SFXN5: variants seen among roughly 807,000 people sequenced by gnomAD.
SFXN5 encodes sideroflexin 5, also known as sideroflexin-5.
In SFXN5, 43 loss-of-function variants were observed where a neutral mutation model predicts 50.2. The ratio of observed to expected loss-of-function variants is 0.86; its 90% CI spans 0.67 to 1.11. SFXN5 has a LOEUF of 1.11. Ranked by LOEUF, SFXN5 falls within the 50% of genes least tolerant of loss-of-function variation. The probability of loss-of-function intolerance (pLI) is 0.00; values close to 1 mark genes in which losing one functional copy is unlikely to be tolerated. For synonymous variants in SFXN5, 203 were observed against 185.8 expected, an observed-to-expected ratio of 1.09 and a Z score of -0.75; for missense variants, 463 against 454.1, an observed-to-expected ratio of 1.02 and a Z score of -0.18.
chr2:72,953,789 C>T lies in SFXN5; in HGVS notation c.945+7342G>A, dbSNP rs1350335687. 6.6e-6 allele frequency among the ~76,000 whole-genome samples: 1 copy of T among 152,190 alleles called. No individual in the cohort carries two copies. Among genetic ancestry groups the T allele is most frequent in the Non-Finnish European group, 1.5e-5 (1 of 68,020 alleles). On this transcript the variant is annotated intron_variant, in intron 13 of 13. Coordinates refer to ENST00000272433, the MANE Select transcript of SFXN5 (RefSeq NM_144579.3). The surrounding 1 kb of genome is among the most constrained non-coding windows in gnomAD (Gnocchi z 4.1). Reference sequence around the variant, plus strand: ...AGCTTATTCCCAGCTCTTCTCCATTCTTGGTTGGGGGTCCCAATACTTTCT... The same window carrying T: ...AGCTTATTCCCAGCTCTTCTCCATTTTTGGTTGGGGGTCCCAATACTTTCT...
chr2:73,027,661 CTTT>C (rs908750970), intron 3 of SFXN5, among the ~76,000 whole-genome samples: 1 of 149,688 alleles, frequency 6.7e-6, no homozygotes, highest in Non-Finnish European at 1.5e-5. Flanking sequence ...CATTTTTTAT[CTTT>C]TTTTTTTCTT....
intron 7 of SFXN5, 82 bp downstream of exon 7, chr2:73,001,443 G>A: frequency 1.4e-6 from 2 of 1,455,212 alleles, no homozygotes; most frequent in African/African-American, 1.4e-5. Context: ...GGACGGGGCA[G>A]GAGACACCAC....
At chr2:73,002,243 G>C (rs571565987) in intron 6 of SFXN5, among the ~76,000 whole-genome samples, 16 of 152,334 alleles carry the variant, frequency 1.1e-4, no homozygotes, top group African/African-American at 3.8e-4. Context: ...AATGAATGAA[G>C]AAATGAACAA....
intron 2 of SFXN5, among the ~76,000 whole-genome samples, chr2:73,052,751 G>T (rs1681543172): frequency 6.6e-6 from 1 of 152,172 alleles, no homozygotes; most frequent in African/African-American, 2.4e-5. Context: ...TAGAGATCTA[G>T]ATCTAATTCC....
chr2:73,051,545 C>T (rs1211176484), intron 2 of SFXN5, among the ~76,000 whole-genome samples: 2 of 152,054 alleles, frequency 1.3e-5, no homozygotes, highest in African/African-American at 2.4e-5. Context: ...CGTGAGCCAC[C>T]GCCCCCAGCC....
chr2:72,974,184 G>C (rs955669030), intron 10 of SFXN5, among the ~76,000 whole-genome samples: 1 of 152,190 alleles, frequency 6.6e-6, no homozygotes, highest in Admixed American at 6.5e-5. Context: ...TGCCAAGTCA[G>C]GGGAAAGTGG....
chr2:73,047,285 T>TATATATATATATATATATACACACATAG (rs1268079277), intron 2 of SFXN5, among the ~76,000 whole-genome samples: 1 of 92,524 alleles, frequency 1.1e-5, no homozygotes, highest in Non-Finnish European at 2.0e-5. Flanking sequence ...TACACACATA[T>TATATATATATATATATATACACACATAG]ATATATATAT....
intron 6 of SFXN5, chr2:73,020,034 T>G (rs1462167654): frequency 5.4e-6 from 3 of 559,538 alleles, no homozygotes; most frequent in Non-Finnish European, 9.4e-6. Flanking sequence ...TGGATTTAAG[T>G]CATCAGGCTT....
chr2:72,997,968 C>T (rs1013563452), intron 9 of SFXN5: 2 of 152,068 alleles, frequency 1.3e-5, no homozygotes, highest in Non-Finnish European at 2.9e-5. Flanking sequence ...GCAATCATAG[C>T]ACACTACAGA....
rs560061136 is a variant in SFXN5, at chr2:73,032,104, G to A, written c.249+8750C>T. 1.4e-4 allele frequency among the ~76,000 whole-genome samples: 21 copies of A among 152,240 alleles called. 1 individual carries two copies. Among genetic ancestry groups the A allele is most frequent in the African/African-American group, 4.3e-4 (18 of 41,506 alleles). On this transcript the variant is annotated intron_variant, in intron 3 of 13. Transcript: ENST00000272433. ...GTAATGTACCACCCACAAGCCAAGA[G>A]CTGGTTGCTAGTTTGAAGTTTCACA...
Position 73,064,115 on chromosome 2 carries a change from G to A in SFXN5, c.103-5519C>T, listed in dbSNP as rs539769978. ...TCCACCAGCCAGCTCTCTCCCATCT[G>A]CAAGCCCCCCAGGGAAGAGCAGGCC... On this transcript the variant is annotated intron_variant, in intron 1 of 13. Transcript: ENST00000272433. 3.9e-5 allele frequency among the ~76,000 whole-genome samples: 6 copies of A among 152,330 alleles called. No individual in the cohort carries two copies. The South Asian group carries it at 1.2e-3, about 32-fold the overall frequency.
Position 73,006,717 on chromosome 2 carries a change from A to G in SFXN5, c.358-5139T>C, listed in dbSNP as rs191839830. Reference sequence around the variant, plus strand: ...TGGTAGCAATAGCTAGCTAATACACAGCTTACTACATATGCGGAGTGACTA... The same window carrying G: ...TGGTAGCAATAGCTAGCTAATACACGGCTTACTACATATGCGGAGTGACTA... On this transcript the variant is annotated intron_variant, in intron 6 of 13. Coordinates refer to ENST00000272433, the MANE Select transcript of SFXN5 (RefSeq NM_144579.3). 3.7e-4 allele frequency among the ~76,000 whole-genome samples: 57 copies of G among 152,254 alleles called. 1 individual carries two copies. Among genetic ancestry groups the G allele is most frequent in the Non-Finnish European group, 7.4e-4 (50 of 68,024 alleles).
intron 13 of SFXN5, among the ~76,000 whole-genome samples, chr2:72,957,894 A>G (rs1017534167): frequency 2.0e-5 from 3 of 152,234 alleles, no homozygotes; most frequent in African/African-American, 7.2e-5. Context: ...TTCCCAGAGG[A>G]ACAAAGACTT....
At chr2:73,064,591 CCT>C (rs1321591955) in intron 1 of SFXN5, among the ~76,000 whole-genome samples, 1 of 152,202 alleles carries the variant, frequency 6.6e-6, no homozygotes, top group Admixed American at 6.5e-5. Flanking sequence ...ACATATCCCC[CCT>C]GCCTCCCAAC....
At chr2:72,989,142 C>A (rs1672267873) in intron 9 of SFXN5, among the ~76,000 whole-genome samples, 1 of 152,226 alleles carries the variant, frequency 6.6e-6, no homozygotes, top group South Asian at 2.1e-4. Flanking sequence ...CACTTCCCCT[C>A]TCCCCCAAAA....
chr2:73,050,717 G>A (rs1324168020), intron 2 of SFXN5, among the ~76,000 whole-genome samples: 4 of 152,202 alleles, frequency 2.6e-5, no homozygotes, highest in Non-Finnish European at 5.9e-5. Context: ...TTGTCTTAAT[G>A]AATAGCACCT....
chr2:73,057,835 CCT>C, intron 2 of SFXN5, among the ~76,000 whole-genome samples: 1 of 152,294 alleles, frequency 6.6e-6, no homozygotes, highest in Non-Finnish European at 1.5e-5. Context: ...CTCCTCCATT[CCT>C]CTCTCTCCTG....
At chr2:72,948,153 T>C (rs1672160272) in intron 13 of SFXN5, among the ~76,000 whole-genome samples, 1 of 152,212 alleles carries the variant, frequency 6.6e-6, no homozygotes, top group Non-Finnish European at 1.5e-5. Context: ...CTTCATTTAT[T>C]CAAATGCACA....
rs1411908456 is a variant in SFXN5 at position 72,944,650 on chromosome 2, C to G, written c.*372G>C. ...CTTCTGGTCAGCTGAAACTAAGGCT[C>G]AGATTTGATTCTGATAAAAAATAAA... On this transcript the variant is annotated 3_prime_UTR_variant, in exon 14 of 14. Transcript: ENST00000272433. 1 of 178,516 alleles carries G rather than the reference C, an allele frequency of 5.6e-6. No homozygotes were observed. The highest frequency in any genetic ancestry group is 1.2e-5 in the Non-Finnish European group (1 of 84,198). The allele number at this position is 178,516 out of a possible 1,614,324, so 11.1% of individuals were successfully genotyped here.
Sources: allele counts gnomAD v4.1 joint callset (sites outside exome capture counted in the v4.1 genomes callset), GRCh38; gene constraint gnomAD v4.1.1; non-coding constraint Gnocchi (gnomAD v3.1); transcripts MANE v1.5; gene names NCBI Gene and HGNC (gene_info 2026-07-23, HGNC 2026-07-21).